The following HUWE1 variants were observed in gnomAD, a reference collection of about 807,000 sequenced individuals.
HUWE1 encodes the protein HECT, UBA and WWE domain containing E3 ubiquitin protein ligase 1.
HUWE1 carries 18 observed loss-of-function variants against 299.4 expected under a neutral mutation model. The ratio of observed to expected loss-of-function variants is 0.06; its 90% CI spans 0.04 to 0.09. The LOEUF (loss-of-function observed/expected upper bound fraction) is 0.09, where lower values mean the gene tolerates loss of function less well. HUWE1 is among the 10% of genes least tolerant of loss of function. The probability of loss-of-function intolerance (pLI) is 1.00; values close to 1 mark genes in which losing one functional copy is unlikely to be tolerated. For missense variants in HUWE1, 1,832 were observed against 3,462.3 expected, an observed-to-expected ratio of 0.53 and a Z score of 11.82; for synonymous variants, 1,317 against 1,286.1, an observed-to-expected ratio of 1.02 and a Z score of -0.51.
intron 9 of HUWE1, 150 bp from the exon 10 acceptor site, chrX:53,631,764 GA>G: frequency 2.1e-6 from 1 of 472,157 alleles, no homozygotes. Flanking sequence ...GGTAAATTGA[GA>G]ATCTTCCAAA....
At chrX:53,604,203 C>A (rs1041283254) in intron 26 of HUWE1, among the ~76,000 whole-genome samples, 1 of 111,668 alleles carries the variant, frequency 9.0e-6, no homozygotes, top group Admixed American at 9.4e-5. Flanking sequence ...ACAGGTCAAA[C>A]GTTTGATATG....
At chrX:53,686,179 T>C (rs893869938) in intron 2 of HUWE1, 91 bp downstream of exon 2, 3 of 113,061 alleles carry the variant, frequency 2.7e-5, no homozygotes, top group African/African-American at 6.4e-5. Context: ...CCCTCTCCTC[T>C]GAGGCCGCCT....
Position 53,575,686 on chromosome X carries a change from C to T in HUWE1, c.5987G>A (p.Arg1996His), listed in dbSNP as rs200650762. The T allele has an allele frequency of 6.7e-5, 81 of 1,210,079 alleles. No homozygotes were observed. Among genetic ancestry groups the T allele is most frequent in the Admixed American group, 6.5e-5 (3 of 45,936 alleles). ...CTGCGTATCAAAGTCACTGCTCTGA[C>T]GCGTAAGTGACCGGTACTGCTGGTA... Reference protein sequence around the residue: ...DVYQQYRSLTRQSSDFDTQSG... With the variant: ...DVYQQYRSLTHQSSDFDTQSG... Residue 1996 changes from arginine to histidine, a missense_variant, in exon 45 of 84, where the codon CGT becomes CAT. Arg to His is a conservative substitution (Grantham distance 29). Around this residue, in one of 15 missense-constraint regions of HUWE1, gnomAD observed 157 missense variants for 252.3 expected, o/e 0.62. Coordinates refer to ENST00000262854, the MANE Select transcript of HUWE1 (RefSeq NM_031407.7).
Position 53,533,125 on chromosome X carries a change from G to C in HUWE1, c.*184C>G, listed in dbSNP as rs1441328812. 2 of 445,700 alleles carry C rather than the reference G, an allele frequency of 4.5e-6. No individual in the cohort carries two copies. The highest frequency in any genetic ancestry group is 8.0e-6 in the Non-Finnish European group (2 of 249,714). The allele number at this position is 445,700 out of a possible 1,213,427, so 36.7% of individuals were successfully genotyped here. Reference sequence around the variant, plus strand: ...GAGAGAAGGTGAGGAAACAGGCGGCGGGGAGAGAATGAGAAGAGGAACAGG... The same window carrying C: ...GAGAGAAGGTGAGGAAACAGGCGGCCGGGAGAGAATGAGAAGAGGAACAGG... On this transcript the variant is annotated 3_prime_UTR_variant, in exon 84 of 84. Transcript: ENST00000262854.
At position 53,627,894 on chromosome X, in the gene HUWE1, A is replaced by G; in HGVS notation, c.1243-15T>C. 8.3e-7 allele frequency: 1 copy of G among 1,203,148 alleles called. No individual in the cohort carries two copies. Among genetic ancestry groups the G allele is most frequent in the Non-Finnish European group, 1.1e-6 (1 of 888,310 alleles). ...AACTTTATGACCTATCACGGAGAAAAAGAGGCAAAAACAATGAACTATAAA... is the reference window on the plus strand; with the variant it reads ...AACTTTATGACCTATCACGGAGAAAGAGAGGCAAAAACAATGAACTATAAA... On this transcript the variant is annotated splice_polypyrimidine_tract_variant and intron_variant, in intron 15 of 83. Coordinates refer to ENST00000262854, the MANE Select transcript of HUWE1 (RefSeq NM_031407.7).
chrX:53,659,001 A>G (rs1557044158), intron 3 of HUWE1, among the ~76,000 whole-genome samples: 1 of 113,045 alleles, frequency 8.8e-6, no homozygotes, highest in Non-Finnish European at 1.9e-5. Flanking sequence ...ATGCAAATTA[A>G]AACCATGATG....
At chrX:53,621,903 G>T (rs155441) in intron 19 of HUWE1, among the ~76,000 whole-genome samples, 2 of 111,158 alleles carry the variant, frequency 1.8e-5, no homozygotes, top group South Asian at 7.6e-4. Flanking sequence ...GCATGATGAC[G>T]TTAGCATAGG....
Position 53,569,690 on chromosome X carries a change from C to T in HUWE1, c.6450G>A (p.Val2150=). The change falls in exon 48 of 84, where the codon GTG becomes GTA. Residue 2150 remains valine, a synonymous_variant. Transcript: ENST00000262854. ...AAAGSGTDAQ[V]ALVNEVKAAL... is the part of the protein sequence containing the mutation. ...CTGCTTTTACTTCATTCACTAGGGC[C>T]ACCTGGGCATCTGTGCCACTCCCTG... 4 of 1,212,144 alleles carry T rather than the reference C, an allele frequency of 3.3e-6. No homozygotes were observed. Among genetic ancestry groups the T allele is most frequent in the Non-Finnish European group, 3.3e-6 (3 of 895,562 alleles).
At chrX:53,550,597 A>AT (rs2061729101) in intron 66 of HUWE1, 69 bp downstream of exon 66, 6 of 998,378 alleles carry the variant, frequency 6.0e-6, no homozygotes, top group Non-Finnish European at 7.1e-6. Context: ...TTCTCCACCT[A>AT]TAAAACTAAG....
chrX:53,536,764 G>T, intron 78 of HUWE1, 97 bp from the exon 79 acceptor site: 1 of 765,203 alleles, frequency 1.3e-6, no homozygotes, highest in Non-Finnish European at 1.9e-6. Flanking sequence ...AGTGTCTGGG[G>T]AGTGCAGTGT....
At chrX:53,670,820 CTATGTATATACGTGTACGTACGTA>C (rs1294497819) in intron 3 of HUWE1, among the ~76,000 whole-genome samples, 5 of 111,328 alleles carry the variant, frequency 4.5e-5, no homozygotes, top group Admixed American at 9.5e-5. Flanking sequence ...ATGTATATGT[CTATGTATATACGTGTACGTACGTA>C]TATGTATATA....
At chrX:53,559,866 T>C (rs2062207318) in intron 56 of HUWE1, among the ~76,000 whole-genome samples, 1 of 112,184 alleles carries the variant, frequency 8.9e-6, no homozygotes, top group Non-Finnish European at 1.9e-5. Flanking sequence ...CTTCTTAAGA[T>C]TGTTTGTCTC....
intron 8 of HUWE1, among the ~76,000 whole-genome samples, chrX:53,633,347 G>A (rs1690423300): frequency 8.9e-6 from 1 of 112,394 alleles, no homozygotes; most frequent in Non-Finnish European, 1.9e-5. Context: ...TAAAGTACAC[G>A]TTAACCTTTA....
intron 61 of HUWE1, 81 bp downstream of exon 61, chrX:53,554,552 G>T: frequency 9.9e-7 from 1 of 1,005,276 alleles, no homozygotes. Flanking sequence ...TTTCTCTCAA[G>T]CAAAAGAGCA....
chrX:53,655,746 T>C (rs1263270455), intron 3 of HUWE1, among the ~76,000 whole-genome samples: 2 of 111,670 alleles, frequency 1.8e-5, no homozygotes, highest in African/African-American at 6.5e-5. Flanking sequence ...AGGGAGGCTA[T>C]TAAACTGCCC....
intron 40 of HUWE1, 50 bp from the exon 41 acceptor site, chrX:53,584,395 A>G: frequency 1.9e-6 from 2 of 1,059,014 alleles, no homozygotes; most frequent in Non-Finnish European, 2.6e-6. Flanking sequence ...AATGAATTAT[A>G]AAGGTGGGGG....
At chrX:53,599,164 A>G (rs1198880304) in intron 29 of HUWE1, among the ~76,000 whole-genome samples, 1 of 112,464 alleles carries the variant, frequency 8.9e-6, no homozygotes, top group Admixed American at 9.4e-5. Flanking sequence ...TCACACAGAA[A>G]CCTCTGAATG....
At position 53,617,045 on chromosome X, in the gene HUWE1, C is replaced by G; in HGVS notation, c.1882G>C (p.Glu628Gln). The change falls in exon 21 of 84, where the codon GAA (glutamate) becomes CAA (glutamine). Residue 628 changes from glutamate (E) to glutamine (Q), a missense_variant. Physicochemically the swap from Glu to Gln is conservative, Grantham distance 29. Around this residue, in one of 15 missense-constraint regions of HUWE1, gnomAD observed 658 missense variants for 1,282.6 expected, o/e 0.51. Transcript: ENST00000262854. ...GACAGAAGAACTTTGAAGAGGCGTTCAAAAGGCTGACACTGAACAAAAGAC... is the reference window on the plus strand; with the variant it reads ...GACAGAAGAACTTTGAAGAGGCGTTGAAAAGGCTGACACTGAACAAAAGAC... Reference protein sequence around the residue: ...LQSFVQCQPFERLFKVLLSPD... With the variant: ...LQSFVQCQPFQRLFKVLLSPD... 1 of 1,210,664 alleles carries G rather than the reference C, an allele frequency of 8.3e-7. No individual in the cohort carries two copies. The highest frequency in any genetic ancestry group is 1.1e-6 in the Non-Finnish European group (1 of 894,542).
rs1557019961 is a variant in HUWE1, at chrX:53,628,490, C to T, written c.1242+3G>A. 8.7e-7 allele frequency: 1 copy of T among 1,150,958 alleles called. No individual in the cohort carries two copies. The highest frequency in any genetic ancestry group is 1.2e-6 in the Non-Finnish European group (1 of 865,746). The allele number at this position is 1,150,958 out of a possible 1,213,427, so 94.9% of individuals were successfully genotyped here. On this transcript the variant is annotated splice_donor_region_variant and intron_variant, in intron 15 of 83. Transcript: ENST00000262854. ...AAAAAAAAAAAAAAAAAAAGTACAG[C>T]ACCTTCAATAAGGCTTCCATCATTC...
Sources: gnomAD v4.1 joint callset for allele counts (sites outside exome capture counted in the v4.1 genomes callset) on GRCh38, gnomAD v4.1.1 for gene constraint, gnomAD v4.1.1 regional missense constraint, MANE v1.5 for transcripts, NCBI Gene and HGNC (gene_info 2026-07-23, HGNC 2026-07-21) for gene names.